TRDN: variants seen among roughly 807,000 people sequenced by gnomAD.
TRDN encodes the protein triadin.
TRDN carries 161 observed loss-of-function variants against 149.7 expected under a neutral mutation model. That is an observed-to-expected ratio of 1.08 (90% CI 0.95 to 1.23). The LOEUF (loss-of-function observed/expected upper bound fraction) is 1.23, where lower values mean the gene tolerates loss of function less well. Ranked by LOEUF, TRDN falls within the 50% of genes most tolerant of loss-of-function variation. TRDN has a pLI of 0.00. For synonymous variants in TRDN, 294 were observed against 250.5 expected, an observed-to-expected ratio of 1.17 and a Z score of -1.64; for missense variants, 896 against 823.5, an observed-to-expected ratio of 1.09 and a Z score of -1.08.
At position 123,350,947 on chromosome 6, in the gene TRDN, A is replaced by G. The variant is rs1050384907; in HGVS notation, c.1369+1592T>C. The G allele has an allele frequency of 1.0e-5, 10 of 984,968 alleles. No individual in the cohort carries two copies. The African/African-American group carries it at 1.7e-4, about 17-fold the overall frequency. 61.0% of individuals were successfully genotyped at this position (984,968 alleles called of 1,614,324 possible). The stretch of plus-strand genomic sequence containing the variant: ...CAGTCTCTTGTCCACTAGAGGAGAC[A>G]TTATAAAATTAATGAAACTGACACC... On this transcript the variant is annotated intron_variant, in intron 21 of 40. Coordinates refer to ENST00000334268, the MANE Select transcript of TRDN (RefSeq NM_006073.4).
At chr6:123,595,029 CAG>C (rs1181779134) in intron 1 of TRDN, among the ~76,000 whole-genome samples, 1 of 151,680 alleles carries the variant, frequency 6.6e-6, no homozygotes, top group Admixed American at 6.6e-5. Flanking sequence ...GTTCCTTATA[CAG>C]AAAATAATGA....
chr6:123,610,245 C>T (rs186587159), intron 1 of TRDN, among the ~76,000 whole-genome samples: 13 of 152,148 alleles, frequency 8.5e-5, no homozygotes, highest in Admixed American at 2.6e-4. Flanking sequence ...ATGAATATAC[C>T]AAAGAACAAC....
intron 1 of TRDN, among the ~76,000 whole-genome samples, chr6:123,587,768 G>C (rs1349756531): frequency 2.0e-5 from 3 of 150,292 alleles, no homozygotes; most frequent in Non-Finnish European, 4.4e-5. Flanking sequence ...GCAAAAGGGG[G>C]GGTTGTTCTC....
At chr6:123,612,756 A>C (rs2114684275) in intron 1 of TRDN, among the ~76,000 whole-genome samples, 1 of 152,306 alleles carries the variant, frequency 6.6e-6, no homozygotes, top group South Asian at 2.1e-4. Context: ...TCTAAGGAAA[A>C]TATTGAGTAC....
At chr6:123,218,851 G>A (rs1050838362) in intron 40 of TRDN, 111 bp from the exon 41 acceptor site, 39 of 1,171,058 alleles carry the variant, frequency 3.3e-5, no homozygotes, top group Admixed American at 1.7e-4. Flanking sequence ...AGCAGCCTCC[G>A]TAGCTGTTGG....
chr6:123,327,311 C>T (rs1050944167), intron 23 of TRDN, among the ~76,000 whole-genome samples: 1 of 151,940 alleles, frequency 6.6e-6, no homozygotes, highest in Non-Finnish European at 1.5e-5. Flanking sequence ...TCAGGCAATT[C>T]CACCTTATTA....
At chr6:123,381,251 A>G (rs1311440326) in intron 16 of TRDN, 119 bp downstream of exon 16, 3 of 896,044 alleles carry the variant, frequency 3.3e-6, no homozygotes, top group East Asian at 2.7e-5. Context: ...AAAACAACAG[A>G]GTTCACATGC....
chr6:123,220,635 C>A (rs1173023062), intron 40 of TRDN, among the ~76,000 whole-genome samples: 2 of 151,760 alleles, frequency 1.3e-5, no homozygotes, highest in African/African-American at 4.8e-5. Flanking sequence ...ACATAGTAGG[C>A]ATTCAGTATC....
Position 123,629,299 on chromosome 6 carries a change from A to G in TRDN, c.22+7455T>C, listed in dbSNP as rs545083788. 1.9e-4 allele frequency among the ~76,000 whole-genome samples: 29 copies of G among 152,284 alleles called. No homozygotes were observed. The South Asian group carries it at 4.4e-3, about 23-fold the overall frequency. ...TATAAATGGAAACTGAATCTCTCAC[A>G]TCCACGAGCTCACTAATGCCCTAGA... is the stretch of plus-strand genomic sequence containing the variant. On this transcript the variant is annotated intron_variant, in intron 1 of 40. Transcript: ENST00000334268.
chr6:123,261,554 C>G (rs1313965238), intron 33 of TRDN, among the ~76,000 whole-genome samples: 1 of 151,262 alleles, frequency 6.6e-6, no homozygotes, highest in Non-Finnish European at 1.5e-5. Flanking sequence ...AATAACATTT[C>G]CAGAAAATAA....
intron 1 of TRDN, among the ~76,000 whole-genome samples, chr6:123,620,801 A>G (rs1189558200): frequency 6.6e-6 from 1 of 152,168 alleles, no homozygotes; most frequent in African/African-American, 2.4e-5. Context: ...TAGAAGTGGA[A>G]ACCTAAGTTT....
intron 12 of TRDN, among the ~76,000 whole-genome samples, chr6:123,435,420 A>G (rs1171651499): frequency 1.3e-5 from 2 of 152,054 alleles, no homozygotes; most frequent in Non-Finnish European, 2.9e-5. Context: ...TTGCTGTCAC[A>G]TGAAAATATA....
intron 1 of TRDN, among the ~76,000 whole-genome samples, chr6:123,614,898 GT>G (rs1343869533): frequency 1.3e-4 from 20 of 152,096 alleles, no homozygotes; most frequent in African/African-American, 3.1e-4. Context: ...CAAACTATTT[GT>G]TTTATAAGAT....
At chr6:123,601,772 C>T (rs1784291636) in intron 1 of TRDN, among the ~76,000 whole-genome samples, 1 of 152,134 alleles carries the variant, frequency 6.6e-6, no homozygotes, top group Non-Finnish European at 1.5e-5. Flanking sequence ...AAAGTTTTTA[C>T]TTGTTTGTTA....
At chr6:123,468,103 T>C (rs1340563030) in intron 9 of TRDN, among the ~76,000 whole-genome samples, 1 of 152,204 alleles carries the variant, frequency 6.6e-6, no homozygotes, top group Non-Finnish European at 1.5e-5. Context: ...AAATCCCATC[T>C]AATTTCACAA....
chr6:123,463,295 C>A (rs1448604163), intron 10 of TRDN, among the ~76,000 whole-genome samples: 2 of 151,358 alleles, frequency 1.3e-5, no homozygotes, highest in African/African-American at 2.4e-5. Context: ...CGAGATGGTG[C>A]CACTGCACTT....
intron 7 of TRDN, chr6:123,509,932 G>A (rs903532675): frequency 6.6e-6 from 1 of 151,926 alleles, no homozygotes; most frequent in African/African-American, 2.4e-5. Flanking sequence ...TTTATGACCT[G>A]GCAAAAATGT....
At position 123,438,387 on chromosome 6, in the gene TRDN, T is replaced by C. The variant is rs191497881; in HGVS notation, c.992-265A>G. ...ACAGTGAAAACATTAAATGGCATTA[T>C]TAATTATGGTATTATTTAACAGCTT... On this transcript the variant is annotated intron_variant, in intron 11 of 40. Coordinates refer to ENST00000334268, the MANE Select transcript of TRDN (RefSeq NM_006073.4). Among the ~76,000 whole-genome samples the C allele has an allele frequency of 7.0e-4, 107 of 152,172 alleles. 1 individual carries two copies. Among genetic ancestry groups the C allele is most frequent in the East Asian group, 4.1e-3 (21 of 5,176 alleles).
At position 123,420,144 on chromosome 6, in the gene TRDN, G is replaced by A. The variant is rs966286650; in HGVS notation, c.1051+17919C>T. Among the ~76,000 whole-genome samples, 38 of 152,116 alleles carry A rather than the reference G, an allele frequency of 2.5e-4. 1 individual carries two copies. Among genetic ancestry groups the A allele is most frequent in the Middle Eastern group, 3.2e-3 (1 of 316 alleles). On this transcript the variant is annotated intron_variant, in intron 12 of 40. Coordinates refer to ENST00000334268, the MANE Select transcript of TRDN (RefSeq NM_006073.4). ...TAAATGTAAGTTCCTTTTCCACTTA[G>A]GGCTTTAATAAACAAAATTACAATC...
Sources: allele counts gnomAD v4.1 joint callset (sites outside exome capture counted in the v4.1 genomes callset), GRCh38; gene constraint gnomAD v4.1.1; transcripts MANE v1.5; gene names NCBI Gene and HGNC (gene_info 2026-07-23, HGNC 2026-07-21).